The following DTD1 variants were observed in gnomAD, a reference collection of about 807,000 sequenced individuals.
DTD1 encodes the protein D-aminoacyl-tRNA deacylase 1, also known as D-tyrosyl-tRNA deacylase 1 homolog.
A neutral mutation model predicts 25.6 loss-of-function variants in DTD1; 13 were observed. The ratio of observed to expected loss-of-function variants is 0.51; its 90% CI spans 0.33 to 0.81. The LOEUF is 0.81. Ranked by LOEUF, DTD1 falls within the 30% of genes least tolerant of loss-of-function variation. DTD1 has a pLI of 0.02. For synonymous variants in DTD1, 110 were observed against 103.6 expected, an observed-to-expected ratio of 1.06 and a Z score of -0.37; for missense variants, 193 against 266.4, an observed-to-expected ratio of 0.72 and a Z score of 1.92.
At chr20:18,723,398 GATA>G (rs999055078) in intron 4 of DTD1, among the ~76,000 whole-genome samples, 9 of 152,216 alleles carry the variant, frequency 5.9e-5, no homozygotes, top group African/African-American at 2.2e-4. Context: ...AGAGGCTAAT[GATA>G]ATAATAAGTA....
chr20:18,694,148 G>A (rs1240734415), intron 4 of DTD1, among the ~76,000 whole-genome samples: 2 of 152,154 alleles, frequency 1.3e-5, no homozygotes, highest in Non-Finnish European at 2.9e-5. Context: ...GATGCTGTGA[G>A]GAGCAACAAA....
intron 4 of DTD1, among the ~76,000 whole-genome samples, chr20:18,649,567 G>T (rs1411116296): frequency 6.6e-6 from 1 of 151,732 alleles, no homozygotes; most frequent in East Asian, 1.9e-4. Flanking sequence ...TCAATCTCCT[G>T]ACCTCGTGAT....
intron 5 of DTD1, among the ~76,000 whole-genome samples, chr20:18,757,096 C>G (rs1357768190): frequency 2.0e-5 from 3 of 151,940 alleles, no homozygotes; most frequent in East Asian, 1.9e-4. Context: ...TATAAGAATG[C>G]TTGTGATTTT....
rs867267516 is a variant in DTD1, at chr20:18,658,189, A to G, written c.477+29956A>G. Among the ~76,000 whole-genome samples, 688 of 146,260 alleles carry G rather than the reference A, an allele frequency of 4.7e-3. 8 individuals are homozygous for G. The highest frequency in any genetic ancestry group is 8.5e-3 in the African/African-American group (335 of 39,270). The stretch of plus-strand genomic sequence containing the variant: ...TAGGCAGAGGGCATAAGAGTCTGAG[A>G]TGTGTGTGTGTGTGTGTGTGTGTGT... On this transcript the variant is annotated intron_variant, in intron 4 of 5. Coordinates refer to ENST00000377452, the MANE Select transcript of DTD1 (RefSeq NM_080820.6).
intron 4 of DTD1, among the ~76,000 whole-genome samples, chr20:18,721,123 A>G (rs2061201546): frequency 6.6e-6 from 1 of 152,226 alleles, no homozygotes; most frequent in Admixed American, 6.5e-5. Context: ...TATAATGCCA[A>G]CAGAAGTGGC....
At chr20:18,624,611 G>T (rs914909745) in intron 3 of DTD1, among the ~76,000 whole-genome samples, 2 of 152,190 alleles carry the variant, frequency 1.3e-5, no homozygotes, top group African/African-American at 4.8e-5. Flanking sequence ...TAGGTCCTTT[G>T]GGGGGACTCA....
intron 4 of DTD1, among the ~76,000 whole-genome samples, chr20:18,695,595 CCCTCCCCT>C (rs1470744245): frequency 5.3e-5 from 2 of 37,900 alleles, no homozygotes; most frequent in Non-Finnish European, 1.0e-4. Flanking sequence ...CCCTCCCCTC[CCCTCCCCT>C]CCCCCCTTCC....
intron 4 of DTD1, among the ~76,000 whole-genome samples, chr20:18,735,367 G>T (rs1412622766): frequency 6.6e-6 from 1 of 152,258 alleles, no homozygotes; most frequent in East Asian, 1.9e-4. Flanking sequence ...AGAAGCCCCT[G>T]TGCAGGTGTT....
chr20:18,713,074 G>A (rs949774751), intron 4 of DTD1, among the ~76,000 whole-genome samples: 8 of 152,252 alleles, frequency 5.3e-5, no homozygotes, highest in Non-Finnish European at 7.3e-5. Flanking sequence ...CTGGAGAGCT[G>A]TTCCCGGGGC....
intron 4 of DTD1, among the ~76,000 whole-genome samples, chr20:18,727,860 A>C (rs2061227811): frequency 6.6e-6 from 1 of 152,184 alleles, no homozygotes. Flanking sequence ...ATCTTCCATC[A>C]TGTGGATATA....
At chr20:18,713,541 C>T (rs1038526638) in intron 4 of DTD1, among the ~76,000 whole-genome samples, 9 of 152,168 alleles carry the variant, frequency 5.9e-5, no homozygotes, top group African/African-American at 1.7e-4. Flanking sequence ...GAGACTGGAG[C>T]AGGTCCCTGG....
intron 4 of DTD1, among the ~76,000 whole-genome samples, chr20:18,650,409 G>A (rs188461079): frequency 4.5e-4 from 68 of 152,142 alleles, no homozygotes; most frequent in Non-Finnish European, 5.9e-4. Context: ...TCACGGCCCC[G>A]TCCTCCCTGC....
intron 4 of DTD1, among the ~76,000 whole-genome samples, chr20:18,696,403 G>A (rs2061076711): frequency 6.6e-6 from 1 of 152,134 alleles, no homozygotes; most frequent in South Asian, 2.1e-4. Context: ...GGTTACCCCA[G>A]CCCTTCAGGT....
intron 4 of DTD1, among the ~76,000 whole-genome samples, chr20:18,659,934 A>AGAAG (rs57865864): frequency 6.6e-6 from 1 of 151,032 alleles, no homozygotes; most frequent in African/African-American, 2.4e-5. Context: ...AAAGAAAGAA[A>AGAAG]AAAAATATTT....
Position 18,595,269 on chromosome 20 carries a change from CT to C in DTD1, c.135-727del, listed in dbSNP as rs965107418. The stretch of plus-strand genomic sequence containing the variant: ...CAGTGTATTTGCTGAATTGTTCTTT[CT>C]TTTTTTTTTCTTTTGAGACAGAGTC... On this transcript the variant is annotated intron_variant, in intron 2 of 5. Transcript: ENST00000377452. 1.3e-4 allele frequency among the ~76,000 whole-genome samples: 20 copies of C among 150,034 alleles called. No homozygotes were observed. In the East Asian group the frequency reaches 1.4e-3, roughly 10 times the overall value.
intron 4 of DTD1, among the ~76,000 whole-genome samples, chr20:18,659,932 A>AAAG (rs1176229762): frequency 6.6e-6 from 1 of 151,214 alleles, no homozygotes; most frequent in Admixed American, 6.6e-5. Context: ...AGAAAGAAAG[A>AAAG]AAAAAAATAT....
chr20:18,633,739 A>C (rs758620643), intron 4 of DTD1, among the ~76,000 whole-genome samples: 1 of 152,196 alleles, frequency 6.6e-6, no homozygotes, highest in African/African-American at 2.4e-5. Context: ...TTCTACTTCA[A>C]ATAAGGGTAG....
At chr20:18,738,159 A>G (rs1443447461) in intron 4 of DTD1, among the ~76,000 whole-genome samples, 2 of 152,164 alleles carry the variant, frequency 1.3e-5, no homozygotes, top group East Asian at 1.9e-4. Context: ...CCAACAGTTA[A>G]CTGCTAAGTG....
intron 4 of DTD1, among the ~76,000 whole-genome samples, chr20:18,717,239 T>C (rs1002039568): frequency 2.0e-5 from 3 of 152,204 alleles, no homozygotes; most frequent in Non-Finnish European, 4.4e-5. Context: ...AGTGGATTCT[T>C]GCAACAGGTG....
Sources: gnomAD v4.1 joint callset for allele counts (sites outside exome capture counted in the v4.1 genomes callset) on GRCh38, gnomAD v4.1.1 for gene constraint, MANE v1.5 for transcripts, NCBI Gene and HGNC (gene_info 2026-07-23, HGNC 2026-07-21) for gene names.